FARS2: variants seen among roughly 807,000 people sequenced by gnomAD.
FARS2 encodes phenylalanine--tRNA ligase, mitochondrial.
A neutral mutation model predicts 46.4 loss-of-function variants in FARS2; 40 were observed. The ratio of observed to expected loss-of-function variants is 0.86; its 90% CI spans 0.67 to 1.12. The LOEUF (loss-of-function observed/expected upper bound fraction) is 1.12. FARS2 is among the 50% of genes most tolerant of loss of function. The probability of loss-of-function intolerance (pLI) is 0.00; values close to 1 mark genes in which losing one functional copy is unlikely to be tolerated. For synonymous variants in FARS2, 234 were observed against 214.9 expected (o/e 1.09, Z -0.78); for missense variants, 513 against 567.9 (o/e 0.90, Z 0.98).
intron 6 of FARS2, among the ~76,000 whole-genome samples, chr6:5,643,385 A>C (rs1483583876): frequency 6.6e-6 from 1 of 152,212 alleles, no homozygotes; most frequent in African/African-American, 2.4e-5. Context: ...TGGGCTCAGA[A>C]GGGCAGACGA....
chr6:5,478,946 C>G (rs1222519833), intron 4 of FARS2, among the ~76,000 whole-genome samples: 1 of 152,168 alleles, frequency 6.6e-6, no homozygotes, highest in African/African-American at 2.4e-5. Context: ...TAGAAGCTCC[C>G]TATCTTTTCT....
rs560270809 is a variant in FARS2, at chr6:5,446,009, C to A, written c.904+14837C>A. Among the ~76,000 whole-genome samples, 432 of 152,220 alleles carry A rather than the reference C, an allele frequency of 2.8e-3. 1 individual carries two copies. Among genetic ancestry groups the A allele is most frequent in the African/African-American group, 1.0e-2 (415 of 41,522 alleles). ...GGTCAGGAGATCAAGACCATCCTGG[C>A]TAACATGGTGAAACCCCGTCTCTAC... is the stretch of plus-strand genomic sequence containing the variant. On this transcript the variant is annotated intron_variant, in intron 4 of 6. Coordinates refer to ENST00000274680, the MANE Select transcript of FARS2 (RefSeq NM_006567.5).
chr6:5,620,057 C>A (rs1775684881), intron 6 of FARS2, among the ~76,000 whole-genome samples: 1 of 152,016 alleles, frequency 6.6e-6, no homozygotes, highest in African/African-American at 2.4e-5. Flanking sequence ...GCATTGTCAT[C>A]CCTTGGTCTT....
chr6:5,642,624 C>CAA (rs1278254027), intron 6 of FARS2, among the ~76,000 whole-genome samples: 33 of 147,564 alleles, frequency 2.2e-4, no homozygotes, highest in African/African-American at 7.9e-4. Flanking sequence ...TTTTAAATGT[C>CAA]AAAAAAAAAA....
chr6:5,595,722 G>C (rs9328318), intron 5 of FARS2, among the ~76,000 whole-genome samples: 125,790 of 152,218 alleles, frequency 0.83, 52,133 homozygotes, highest in African/African-American at 0.88. Context: ...ATGAATGGAA[G>C]AGCAGTAAAA....
chr6:5,602,496 A>C (rs1413264772), intron 5 of FARS2, among the ~76,000 whole-genome samples: 3 of 151,840 alleles, frequency 2.0e-5, no homozygotes, highest in Non-Finnish European at 4.4e-5. Flanking sequence ...AAAATAGAAA[A>C]ATTAGCTGGG....
intron 4 of FARS2, among the ~76,000 whole-genome samples, chr6:5,435,452 C>T (rs1763466195): frequency 6.6e-6 from 1 of 152,320 alleles, no homozygotes; most frequent in South Asian, 2.1e-4. Flanking sequence ...GTGTGGAACA[C>T]AGCTCTTTTA....
intron 4 of FARS2, among the ~76,000 whole-genome samples, chr6:5,502,541 AAGTC>A (rs1767863699): frequency 6.6e-6 from 1 of 152,254 alleles, no homozygotes. Context: ...ATTCACATAA[AAGTC>A]AGAACAGTAT....
intron 4 of FARS2, among the ~76,000 whole-genome samples, chr6:5,539,326 C>A (rs1386555426): frequency 6.8e-6 from 1 of 148,096 alleles, no homozygotes; most frequent in Non-Finnish European, 1.5e-5. Context: ...CCTACCTCAG[C>A]CTCCCAAGTA....
At chr6:5,333,272 A>G (rs560476068) in intron 1 of FARS2, among the ~76,000 whole-genome samples, 4 of 152,348 alleles carry the variant, frequency 2.6e-5, no homozygotes, top group Admixed American at 1.3e-4. Context: ...CTCTAGCTTC[A>G]TACCTATCCC....
chr6:5,721,605 A>G (rs1248009274), intron 6 of FARS2, among the ~76,000 whole-genome samples: 1 of 152,212 alleles, frequency 6.6e-6, no homozygotes, highest in Non-Finnish European at 1.5e-5. Flanking sequence ...TTAAGCGTCG[A>G]CACATTTCAT....
At chr6:5,392,881 A>G (rs1198089074) in intron 2 of FARS2, among the ~76,000 whole-genome samples, 6 of 146,512 alleles carry the variant, frequency 4.1e-5, no homozygotes, top group Admixed American at 6.9e-5. Flanking sequence ...ATATATATGT[A>G]TATATACATA....
chr6:5,454,197 A>ATTT (rs34688392), intron 4 of FARS2, among the ~76,000 whole-genome samples: 104,348 of 143,878 alleles, frequency 0.73, 37,957 homozygotes, highest in East Asian at 0.89. Flanking sequence ...TTCTCCCTCC[A>ATTT]TTTTTTTTTT....
chr6:5,319,891 G>A (rs551476958), intron 1 of FARS2, among the ~76,000 whole-genome samples: 1 of 152,280 alleles, frequency 6.6e-6, no homozygotes, highest in African/African-American at 2.4e-5. Flanking sequence ...ATACTTAGAT[G>A]TGGGAACAAA....
intron 2 of FARS2, chr6:5,371,245 C>T: frequency 1.1e-6 from 1 of 892,274 alleles, no homozygotes; most frequent in Non-Finnish European, 1.3e-6. Context: ...TTGGTACTAA[C>T]TCTGACCTAA....
Position 5,480,487 on chromosome 6 carries a change from T to C in FARS2, c.904+49315T>C, listed in dbSNP as rs762241439. On this transcript the variant is annotated intron_variant, in intron 4 of 6. Coordinates refer to ENST00000274680, the MANE Select transcript of FARS2 (RefSeq NM_006567.5). ...TCTTTTCTCTTCCTGACCTGAGATA[T>C]ACTAAAATTCAAAGATTACCTAATG... Among the ~76,000 whole-genome samples the C allele has an allele frequency of 6.8e-4, 103 of 152,362 alleles. 1 individual carries two copies. Among genetic ancestry groups the C allele is most frequent in the Middle Eastern group, 3.4e-3 (1 of 294 alleles).
intron 6 of FARS2, among the ~76,000 whole-genome samples, chr6:5,717,536 G>C (rs1759581210): frequency 6.6e-6 from 1 of 152,008 alleles, no homozygotes. Flanking sequence ...TCTATCCTCT[G>C]TATTGCCTGA....
In FARS2 at chr6:5,682,325, G is replaced by C. The variant is rs1477254350; in HGVS notation, c.1217+69005G>C. On this transcript the variant is annotated intron_variant, in intron 6 of 6. Coordinates refer to ENST00000274680, the MANE Select transcript of FARS2 (RefSeq NM_006567.5). Reference sequence around the variant, plus strand: ...CAGGGAAAAAGAAAATTTAATGGCAGATGAGAAATTTTTTAAATTCGGCAA... The same window carrying C: ...CAGGGAAAAAGAAAATTTAATGGCACATGAGAAATTTTTTAAATTCGGCAA... Among the ~76,000 whole-genome samples the C allele has an allele frequency of 2.6e-5, 4 of 152,198 alleles. No homozygotes were observed. In the East Asian group the frequency reaches 7.7e-4, roughly 29 times the overall value.
chr6:5,517,779 T>A (rs1268837492), intron 4 of FARS2, among the ~76,000 whole-genome samples: 2 of 152,180 alleles, frequency 1.3e-5, no homozygotes, highest in Admixed American at 1.3e-4. Context: ...TGAAATATAT[T>A]AATAAAATCA....
Sources: allele counts gnomAD v4.1 joint callset (sites outside exome capture counted in the v4.1 genomes callset), GRCh38; gene constraint gnomAD v4.1.1; transcripts MANE v1.5; gene names NCBI Gene and HGNC (gene_info 2026-07-23, HGNC 2026-07-21).